The following DET1 variants were observed in gnomAD, a reference collection of about 807,000 sequenced individuals.
DET1 encodes the protein DET1 homolog.
A neutral mutation model predicts 43.7 loss-of-function variants in DET1; 22 were observed. The observed-to-expected ratio is 0.50, with a 90% CI of 0.36 to 0.72. The LOEUF is 0.72. DET1 is among the 30% of genes least tolerant of loss of function. The probability of loss-of-function intolerance (pLI) is 0.00; values close to 1 mark genes in which losing one functional copy is unlikely to be tolerated. For synonymous variants in DET1, 315 were observed against 266.2 expected, an observed-to-expected ratio of 1.18 and a Z score of -1.79; for missense variants, 713 against 713.3, an observed-to-expected ratio of 1.00 and a Z score of 0.00.
At position 88,544,212 on chromosome 15, in the gene DET1, C is replaced by A. The variant is rs746482993; in HGVS notation, c.-11+2328G>T. Among the ~76,000 whole-genome samples the A allele has an allele frequency of 2.6e-5, 4 of 152,266 alleles. No individual in the cohort carries two copies. The South Asian group carries it at 8.3e-4, about 32-fold the overall frequency. ...TCAGTGGAAGCTCCATTGTGCCTAT[C>A]GACCCCAGAGCTCTGGGCAGGTAGA... On this transcript the variant is annotated intron_variant, in intron 1 of 4. Transcript: ENST00000268148.
At chr15:88,524,525 A>G (rs949555043) in intron 3 of DET1, among the ~76,000 whole-genome samples, 40 of 152,214 alleles carry the variant, frequency 2.6e-4, no homozygotes, top group African/African-American at 8.9e-4. Context: ...GAAAAGGGGG[A>G]AATGTGGGGA....
intron 3 of DET1, among the ~76,000 whole-genome samples, chr15:88,522,038 G>A (rs978659764): frequency 1.3e-5 from 2 of 152,064 alleles, no homozygotes; most frequent in African/African-American, 4.8e-5. Context: ...ATGTGCAGTT[G>A]CCAAGAGAAG....
intron 3 of DET1, among the ~76,000 whole-genome samples, chr15:88,524,137 G>C (rs962883664): frequency 9.9e-5 from 15 of 151,342 alleles, no homozygotes; most frequent in Non-Finnish European, 2.2e-4. Flanking sequence ...CGCCCCGTCG[G>C]GGATGTAAGG....
chr15:88,524,383 G>A (rs1159767932), intron 3 of DET1, among the ~76,000 whole-genome samples: 3 of 148,250 alleles, frequency 2.0e-5, no homozygotes, highest in East Asian at 4.1e-4. Context: ...CCGGGAGGTG[G>A]GGGGCGCCTC....
intron 1 of DET1, among the ~76,000 whole-genome samples, chr15:88,539,116 TTTC>T (rs2057027687): frequency 6.6e-6 from 1 of 151,120 alleles, no homozygotes; most frequent in African/African-American, 2.4e-5. Flanking sequence ...TCTCTCTCTC[TTTC>T]TCTTATTCAA....
chr15:88,510,610 G>A (rs1305855331), downstream of DET1, among the ~76,000 whole-genome samples: 1 of 152,126 alleles, frequency 6.6e-6, no homozygotes, highest in Non-Finnish European at 1.5e-5. Context: ...GACTGCAAAA[G>A]CAATACATAT....
rs1022229067 is a variant in DET1, at chr15:88,512,812, T to A, written c.*139A>T. On this transcript the variant is annotated 3_prime_UTR_variant, in exon 5 of 5. Coordinates refer to ENST00000268148, the MANE Select transcript of DET1 (RefSeq NM_001144074.3). ...TTAGGTTGAGCCACCCTCACTCCTC[T>A]CTCTGGCTCTCTCCCATCTGAGGTA... is the stretch of plus-strand genomic sequence containing the variant. 2 of 1,424,450 alleles carry A rather than the reference T, an allele frequency of 1.4e-6. No homozygotes were observed. The highest frequency in any genetic ancestry group is 2.9e-5 in the African/African-American group (2 of 69,864). 88.2% of individuals were successfully genotyped at this position (1,424,450 alleles called of 1,614,324 possible).
chr15:88,536,381 C>T, intron 1 of DET1: 1 of 771,382 alleles, frequency 1.3e-6, no homozygotes, highest in Admixed American at 1.7e-5. Flanking sequence ...ATTCCCAGCA[C>T]CTAGGAGAAG....
chr15:88,518,619 T>A (rs754964482), intron 3 of DET1, among the ~76,000 whole-genome samples: 25 of 152,180 alleles, frequency 1.6e-4, no homozygotes, highest in Admixed American at 1.6e-3. Flanking sequence ...TTAGAAAGAA[T>A]GTCAACTGTC....
At chr15:88,537,032 A>C (rs1249641075) in intron 1 of DET1, among the ~76,000 whole-genome samples, 5 of 152,168 alleles carry the variant, frequency 3.3e-5, no homozygotes, top group Non-Finnish European at 5.9e-5. Flanking sequence ...AAAAGGTTCC[A>C]AATGCCTTAT....
chr15:88,513,847 T>G (rs2056267325), intron 4 of DET1, among the ~76,000 whole-genome samples: 1 of 137,430 alleles, frequency 7.3e-6, no homozygotes, highest in Admixed American at 7.6e-5. Flanking sequence ...TCGCCCAGGC[T>G]GGAGTGCAGT....
At chr15:88,502,041 A>G (rs1478718380) in intron 8 of DET1, 1 of 152,200 alleles carries the variant, frequency 6.6e-6, no homozygotes, top group Non-Finnish European at 1.5e-5. Flanking sequence ...TATACACTGT[A>G]CACAATATGT....
intron 1 of DET1, among the ~76,000 whole-genome samples, chr15:88,541,357 G>A (rs996660251): frequency 2.4e-4 from 36 of 151,582 alleles, no homozygotes; most frequent in African/African-American, 7.8e-4. Flanking sequence ...AAATACTAAG[G>A]GAACTCAGAG....
At chr15:88,540,877 C>G (rs1048321893) in intron 1 of DET1, among the ~76,000 whole-genome samples, 1 of 108,646 alleles carries the variant, frequency 9.2e-6, no homozygotes, top group African/African-American at 4.5e-5. Context: ...CCTAGGAAAG[C>G]CAGGTATTGT....
intron 3 of DET1, among the ~76,000 whole-genome samples, chr15:88,521,310 T>G (rs1203886692): frequency 1.3e-5 from 2 of 152,236 alleles, no homozygotes; most frequent in Non-Finnish European, 2.9e-5. Context: ...ACCTCCTCAG[T>G]GAAGCCTATG....
At chr15:88,513,220 G>A in intron 4 of DET1, 80 bp from the exon 5 acceptor site, 2 of 1,391,930 alleles carry the variant, frequency 1.4e-6, no homozygotes, top group Non-Finnish European at 1.9e-6. Context: ...AGACAGCAGG[G>A]GAATGTGGCA....
rs549525257 is a variant in DET1 at position 88,516,681 on chromosome 15, C to T, written c.1463+101G>A. 10 of 1,050,786 alleles carry T rather than the reference C, an allele frequency of 9.5e-6. No homozygotes were observed. The highest frequency in any genetic ancestry group is 4.2e-5 in the South Asian group (2 of 47,890). 65.1% of individuals were successfully genotyped at this position (1,050,786 alleles called of 1,614,324 possible). Reference sequence around the variant, plus strand: ...GCCTTTTCAACCTTACCCATGAGTACGAGTCACAGTCACAATCAAATGATG... The same window carrying T: ...GCCTTTTCAACCTTACCCATGAGTATGAGTCACAGTCACAATCAAATGATG... On this transcript the variant is annotated intron_variant, in intron 4 of 4. Transcript: ENST00000268148. This position sits in a 1 kb window ranked among gnomAD's most constrained non-coding sequence, Gnocchi z 4.4.
chr15:88,530,660 T>A lies in DET1; in HGVS notation c.1046A>T (p.Glu349Val). The change falls in exon 2 of 5, where the codon GAG becomes GTG. Residue 349 changes from glutamate (E) to valine (V), a missense_variant. Transcript: ENST00000268148. ...TGTGACTCGCAGTGTTACTACATCC[T>A]CACTAGTGTACTTGATAAACAGGTG... ...ENHLFIKYTS[E>V]DVVTLRVTDP... The A allele has an allele frequency of 6.2e-7, 1 of 1,613,120 alleles. No individual in the cohort carries two copies. The highest frequency in any genetic ancestry group is 8.5e-7 in the Non-Finnish European group (1 of 1,179,398).
intron 3 of DET1, among the ~76,000 whole-genome samples, chr15:88,527,361 C>T (rs1386740672): frequency 2.6e-5 from 4 of 152,200 alleles, no homozygotes; most frequent in Non-Finnish European, 5.9e-5. Context: ...TACATGAAGA[C>T]ACAGCCTCTG....
Sources: allele counts gnomAD v4.1 joint callset (sites outside exome capture counted in the v4.1 genomes callset), GRCh38; gene constraint gnomAD v4.1.1; non-coding constraint Gnocchi (gnomAD v3.1); transcripts MANE v1.5; gene names NCBI Gene and HGNC (gene_info 2026-07-23, HGNC 2026-07-21).